Variants in DDAH1 observed in about 807,000 individuals in gnomAD.
The protein encoded by DDAH1 is N(G),N(G)-dimethylarginine dimethylaminohydrolase 1.
Under a neutral mutation model 28.8 loss-of-function variants are expected in DDAH1, and 19 were observed. The ratio of observed to expected loss-of-function variants is 0.66; its 90% confidence interval spans 0.46 to 0.97. The LOEUF (loss-of-function observed/expected upper bound fraction) is 0.97. DDAH1 is among the 50% of genes least tolerant of loss of function. The pLI, the probability that DDAH1 is intolerant of heterozygous loss-of-function variation, is 0.00. For synonymous variants in DDAH1, 153 were observed against 154.4 expected (o/e 0.99, Z 0.07); for missense variants, 326 against 375.9 (o/e 0.87, Z 1.10).
chr1:85,571,718 C>T (rs192078273), intron 1 of DDAH1, among the ~76,000 whole-genome samples: 41 of 151,362 alleles, frequency 2.7e-4, no homozygotes, highest in African/African-American at 1.0e-3. Context: ...AGACATTTTC[C>T]AGAGCCTTGG....
At chr1:85,557,094 G>A (rs890754938) in intron 1 of DDAH1, among the ~76,000 whole-genome samples, 1 of 152,164 alleles carries the variant, frequency 6.6e-6, no homozygotes, top group African/African-American at 2.4e-5. Flanking sequence ...TCCAGCCTGG[G>A]TGACAGAGCG....
intron 2 of DDAH1, 110 bp from the exon 3 acceptor site, chr1:85,351,689 C>A: frequency 1.3e-6 from 1 of 770,926 alleles, no homozygotes; most frequent in Non-Finnish European, 2.2e-6. Context: ...TCTCTTACCA[C>A]AGAGAACAGC....
chr1:85,511,058 C>A (rs1657207970), intron 1 of DDAH1, among the ~76,000 whole-genome samples: 1 of 152,210 alleles, frequency 6.6e-6, no homozygotes. Flanking sequence ...TTCTTCTCAG[C>A]ACCATATCGC....
At chr1:85,482,158 A>C (rs181317538) in intron 2 of DDAH1, 1 of 152,242 alleles carries the variant, frequency 6.6e-6, no homozygotes, top group East Asian at 1.9e-4. Context: ...CCTACTTCCT[A>C]CTGAGGATTG....
intron 1 of DDAH1, among the ~76,000 whole-genome samples, chr1:85,445,500 G>C (rs535748628): frequency 6.6e-6 from 1 of 152,284 alleles, no homozygotes; most frequent in Non-Finnish European, 1.5e-5. Flanking sequence ...AGGACAGACG[G>C]TTAACGTAAA....
At chr1:85,540,729 G>A (rs1014702101) in intron 1 of DDAH1, among the ~76,000 whole-genome samples, 1 of 151,884 alleles carries the variant, frequency 6.6e-6, no homozygotes, top group Admixed American at 6.6e-5. Flanking sequence ...AGGCTGAGGT[G>A]GGTGGATCAC....
chr1:85,427,995 C>T (rs1407633105), intron 1 of DDAH1, among the ~76,000 whole-genome samples: 1 of 152,172 alleles, frequency 6.6e-6, no homozygotes, highest in Non-Finnish European at 1.5e-5. Context: ...ATGGCACCCA[C>T]ATCCCAGTCT....
Position 85,324,556 on chromosome 1 carries a change from G to A in DDAH1, c.741+184C>T, listed in dbSNP as rs75999244. Among the ~76,000 whole-genome samples, 441 of 152,170 alleles carry A rather than the reference G, an allele frequency of 2.9e-3. 2 individuals are homozygous for A. The highest frequency in any genetic ancestry group is 4.7e-3 in the Non-Finnish European group (320 of 68,000). ...TCTCAATTACTATGCATGCATTAGT[G>A]AGCAATGACATGAATGAGAAAAGTG... On this transcript the variant is annotated intron_variant, in intron 5 of 5. Coordinates refer to ENST00000284031, the MANE Select transcript of DDAH1 (RefSeq NM_012137.4).
chr1:85,574,887 C>CTATATA (rs1463626643), intron 1 of DDAH1, among the ~76,000 whole-genome samples: 2 of 151,566 alleles, frequency 1.3e-5, no homozygotes, highest in East Asian at 1.9e-4. Context: ...CTCTCTCTCT[C>CTATATA]TCTCTATATA....
At chr1:85,361,564 C>T (rs1194648211) in intron 1 of DDAH1, among the ~76,000 whole-genome samples, 1 of 152,174 alleles carries the variant, frequency 6.6e-6, no homozygotes, top group Admixed American at 6.5e-5. Flanking sequence ...AAACAACCTA[C>T]TTAATTTAAG....
At chr1:85,439,036 T>C (rs1241501602) in intron 1 of DDAH1, among the ~76,000 whole-genome samples, 2 of 152,236 alleles carry the variant, frequency 1.3e-5, no homozygotes, top group African/African-American at 4.8e-5. Context: ...ACTAGCTCAT[T>C]TGAAAACTGT....
intron 4 of DDAH1, among the ~76,000 whole-genome samples, chr1:85,337,047 A>G (rs1648177894): frequency 6.6e-6 from 1 of 152,278 alleles, no homozygotes; most frequent in Non-Finnish European, 1.5e-5. Context: ...GGATGGTTCA[A>G]CATACATAAA....
intron 1 of DDAH1, among the ~76,000 whole-genome samples, chr1:85,416,477 G>A (rs1033401920): frequency 1.3e-5 from 2 of 152,156 alleles, no homozygotes; most frequent in Admixed American, 6.5e-5. Flanking sequence ...TTACAGGCAT[G>A]AGCCACCATG....
At chr1:85,403,911 A>C (rs1312596046) in intron 1 of DDAH1, among the ~76,000 whole-genome samples, 1 of 152,198 alleles carries the variant, frequency 6.6e-6, no homozygotes, top group Non-Finnish European at 1.5e-5. Context: ...CTGTGTGCTT[A>C]CTTACAAATG....
At chr1:85,469,907 T>G (rs1425993414), upstream of DDAH1, among the ~76,000 whole-genome samples, 1 of 152,220 alleles carries the variant, frequency 6.6e-6, no homozygotes, top group African/African-American at 2.4e-5. Flanking sequence ...TTAAATTCCC[T>G]CTGTTTGACA....
chr1:85,537,897 CA>C (rs1319387485), intron 1 of DDAH1, among the ~76,000 whole-genome samples: 1 of 151,462 alleles, frequency 6.6e-6, no homozygotes, highest in African/African-American at 2.4e-5. Flanking sequence ...AACCAAAAAA[CA>C]AAAAAACCCA....
intron 1 of DDAH1, among the ~76,000 whole-genome samples, chr1:85,410,405 T>A (rs1289378973): frequency 6.6e-6 from 1 of 152,210 alleles, no homozygotes; most frequent in Non-Finnish European, 1.5e-5. Context: ...TTTGGGAGGC[T>A]GAGGCGGGTG....
chr1:85,556,887 C>T (rs927784553), intron 1 of DDAH1, among the ~76,000 whole-genome samples: 3 of 152,204 alleles, frequency 2.0e-5, no homozygotes, highest in South Asian at 2.1e-4. Context: ...GAGGCCGAGG[C>T]GGGCTGATTA....
intron 2 of DDAH1, among the ~76,000 whole-genome samples, chr1:85,352,901 A>T (rs1159278374): frequency 6.6e-6 from 1 of 151,966 alleles, no homozygotes; most frequent in Non-Finnish European, 1.5e-5. Flanking sequence ...TCACTAAAAG[A>T]ACAGTACTAG....
Sources: allele counts gnomAD v4.1 joint callset (sites outside exome capture counted in the v4.1 genomes callset), GRCh38; gene constraint gnomAD v4.1.1; transcripts MANE v1.5; gene names NCBI Gene and HGNC (gene_info 2026-07-23, HGNC 2026-07-21).